Variants in ZBTB7C observed in about 807,000 individuals in gnomAD.
The protein encoded by ZBTB7C is zinc finger and BTB domain-containing protein 7C.
In ZBTB7C, 8 loss-of-function variants were observed where a neutral mutation model predicts 25.7. That is an observed-to-expected ratio of 0.31 (90% CI 0.18 to 0.56). The LOEUF (loss-of-function observed/expected upper bound fraction) is 0.56. Among genes scored for constraint, ZBTB7C ranks in the 20% least tolerant of loss-of-function variants. The pLI, the probability that ZBTB7C is intolerant of heterozygous loss-of-function variation, is 0.91. For missense variants in ZBTB7C, 824 were observed against 855.2 expected, an observed-to-expected ratio of 0.96 and a Z score of 0.46; for synonymous variants, 394 against 369.0, an observed-to-expected ratio of 1.07 and a Z score of -0.78.
intron 3 of ZBTB7C, among the ~76,000 whole-genome samples, chr18:48,127,051 T>G (rs150674411): frequency 6.0e-4 from 92 of 152,320 alleles, no homozygotes; most frequent in Middle Eastern, 3.4e-3. Flanking sequence ...CCACCACTTA[T>G]GGAGTGTGCA....
intron 3 of ZBTB7C, among the ~76,000 whole-genome samples, chr18:48,073,628 G>T (rs1480416270): frequency 6.6e-6 from 1 of 152,190 alleles, no homozygotes; most frequent in African/African-American, 2.4e-5. Context: ...TCCTCCCTCA[G>T]CCTCTTTCTC....
chr18:48,174,813 C>T (rs908193996), intron 3 of ZBTB7C, among the ~76,000 whole-genome samples: 1 of 152,144 alleles, frequency 6.6e-6, no homozygotes, highest in Non-Finnish European at 1.5e-5. Context: ...ACCTACCTAC[C>T]TATCTATCTA....
chr18:48,164,009 A>G (rs527674090), intron 3 of ZBTB7C, among the ~76,000 whole-genome samples: 1 of 152,322 alleles, frequency 6.6e-6, no homozygotes, highest in East Asian at 1.9e-4. Context: ...GAGTCCAAGG[A>G]CAGTGGGCTC....
At chr18:48,143,140 C>T (rs958863260) in intron 3 of ZBTB7C, among the ~76,000 whole-genome samples, 24 of 152,152 alleles carry the variant, frequency 1.6e-4, no homozygotes, top group Non-Finnish European at 2.6e-4. Flanking sequence ...TTGTTCCCCA[C>T]CCTCAGGGGC....
chr18:48,087,141 C>T (rs145100286), intron 3 of ZBTB7C, among the ~76,000 whole-genome samples: 4 of 152,308 alleles, frequency 2.6e-5, no homozygotes, highest in African/African-American at 9.6e-5. Flanking sequence ...GCACTGGATC[C>T]TCAGCCTTGG....
intron 3 of ZBTB7C, among the ~76,000 whole-genome samples, chr18:48,051,512 T>C (rs2036685953): frequency 6.6e-6 from 1 of 152,172 alleles, no homozygotes; most frequent in African/African-American, 2.4e-5. Context: ...TCAAAGCACT[T>C]TGACCTCTTT....
At chr18:48,362,819 T>C (rs9304365) in intron 1 of ZBTB7C, among the ~76,000 whole-genome samples, 149,553 of 152,284 alleles carry the variant, frequency 0.98, 73,509 homozygotes, top group Middle Eastern at 1. Flanking sequence ...AACTAGCACC[T>C]TCTATGGTCT....
At chr18:48,330,882 T>G (rs530294005) in intron 2 of ZBTB7C, among the ~76,000 whole-genome samples, 1 of 152,186 alleles carries the variant, frequency 6.6e-6, no homozygotes, top group Non-Finnish European at 1.5e-5. Flanking sequence ...AAACAAGGTT[T>G]ATGTGCTCAG....
intron 3 of ZBTB7C, among the ~76,000 whole-genome samples, chr18:48,077,980 G>A (rs372509479): frequency 9.2e-5 from 14 of 151,962 alleles, no homozygotes; most frequent in African/African-American, 3.4e-4. Context: ...GTCTTGGGGT[G>A]GGGGGGAGGG....
At chr18:48,402,640 A>C (rs1238422539) in intron 1 of ZBTB7C, among the ~76,000 whole-genome samples, 1 of 152,240 alleles carries the variant, frequency 6.6e-6, no homozygotes, top group Non-Finnish European at 1.5e-5. Flanking sequence ...TCAGGCTCTC[A>C]AGAGAAAGGA....
intron 2 of ZBTB7C, among the ~76,000 whole-genome samples, chr18:48,310,302 T>C (rs1309154936): frequency 6.6e-6 from 1 of 151,990 alleles, no homozygotes; most frequent in Non-Finnish European, 1.5e-5. Flanking sequence ...TATTATTAGG[T>C]TATTGAGGAG....
chr18:48,170,596 G>A (rs1476259889), intron 3 of ZBTB7C, among the ~76,000 whole-genome samples: 1 of 152,190 alleles, frequency 6.6e-6, no homozygotes, highest in Non-Finnish European at 1.5e-5. Flanking sequence ...TTAGGGGATG[G>A]GGCCAGCCCT....
At chr18:48,315,897 A>C (rs2144820688) in intron 2 of ZBTB7C, among the ~76,000 whole-genome samples, 1 of 152,294 alleles carries the variant, frequency 6.6e-6, no homozygotes, top group South Asian at 2.1e-4. Flanking sequence ...CTGTGGATGG[A>C]GGATAGCCCT....
intron 2 of ZBTB7C, among the ~76,000 whole-genome samples, chr18:48,337,267 T>C (rs537459053): frequency 1.3e-5 from 2 of 152,262 alleles, no homozygotes; most frequent in South Asian, 4.2e-4. Context: ...CCTTGGTCAG[T>C]TTCCCAAGGC....
At chr18:48,384,970 C>T (rs1278289582) in intron 1 of ZBTB7C, among the ~76,000 whole-genome samples, 1 of 152,230 alleles carries the variant, frequency 6.6e-6, no homozygotes, top group Non-Finnish European at 1.5e-5. Context: ...GCATGAGCCA[C>T]CACGCCCAGC....
At chr18:48,250,937 T>C (rs890373200) in intron 2 of ZBTB7C, among the ~76,000 whole-genome samples, 6 of 152,120 alleles carry the variant, frequency 3.9e-5, no homozygotes, top group African/African-American at 1.2e-4. Context: ...AAAAGTAAAA[T>C]ATCTGACCAG....
chr18:48,058,646 A>G (rs2037009700), intron 3 of ZBTB7C, among the ~76,000 whole-genome samples: 1 of 152,194 alleles, frequency 6.6e-6, no homozygotes, highest in Middle Eastern at 3.2e-3. Flanking sequence ...ATGGCTCCCA[A>G]GGATCCTCAC....
At chr18:48,056,438 G>A (rs1218338686) in intron 3 of ZBTB7C, among the ~76,000 whole-genome samples, 7 of 152,168 alleles carry the variant, frequency 4.6e-5, no homozygotes, top group African/African-American at 1.4e-4. Flanking sequence ...AAACAGATGA[G>A]TAACAGAAGT....
chr18:48,355,845 G>A lies in ZBTB7C; in HGVS notation c.-303-17447C>T, dbSNP rs547501212. Among the ~76,000 whole-genome samples the A allele has an allele frequency of 1.3e-4, 20 of 152,322 alleles. No individual in the cohort carries two copies. The East Asian group carries it at 3.9e-3, about 29-fold the overall frequency. ...CACATTCTCTTGATCTGAGTGGGTG[G>A]GGGTAGGTCCCCAATCAGAGCACAA... On this transcript the variant is annotated intron_variant, in intron 1 of 4. Coordinates refer to ENST00000590800, the MANE Select transcript of ZBTB7C (RefSeq NM_001318841.2).
Sources: gnomAD v4.1 joint callset for allele counts (sites outside exome capture counted in the v4.1 genomes callset) on GRCh38, gnomAD v4.1.1 for gene constraint, MANE v1.5 for transcripts, NCBI Gene and HGNC (gene_info 2026-07-23, HGNC 2026-07-21) for gene names.